PLEKHA7: variants seen among roughly 807,000 people sequenced by gnomAD.
PLEKHA7 encodes pleckstrin homology domain containing A7, also known as pleckstrin homology domain-containing family A member 7.
A neutral mutation model predicts 170.0 loss-of-function variants in PLEKHA7; 104 were observed. The observed-to-expected ratio is 0.61, with a 90% CI of 0.52 to 0.72. PLEKHA7 has a LOEUF of 0.72. Among genes scored for constraint, PLEKHA7 ranks in the 30% least tolerant of loss-of-function variants. The pLI, the probability that PLEKHA7 is intolerant of heterozygous loss-of-function variation, is 0.00. For synonymous variants in PLEKHA7, 648 were observed against 660.8 expected (o/e 0.98, Z 0.30); for missense variants, 1,615 against 1,671.7 (o/e 0.97, Z 0.59).
intron 3 of PLEKHA7, among the ~76,000 whole-genome samples, chr11:16,917,149 G>A (rs555619256): frequency 6.6e-6 from 1 of 152,230 alleles, no homozygotes; most frequent in East Asian, 1.9e-4. Context: ...AATCCAGGAG[G>A]TGGAATTTGC....
chr11:16,819,703 C>T (rs147907684), intron 10 of PLEKHA7, among the ~76,000 whole-genome samples: 1 of 152,168 alleles, frequency 6.6e-6, no homozygotes, highest in African/African-American at 2.4e-5. Flanking sequence ...CATGGAAAGA[C>T]AAATACCGTG....
rs377367506 is a variant in PLEKHA7 at position 16,836,225 on chromosome 11, G to A, written c.872+5322C>T. 4.3e-4 allele frequency among the ~76,000 whole-genome samples: 65 copies of A among 152,294 alleles called. 1 individual carries two copies. The highest frequency in any genetic ancestry group is 6.8e-3 in the Middle Eastern group (2 of 294). On this transcript the variant is annotated intron_variant, in intron 9 of 26. Transcript: ENST00000531066. The stretch of plus-strand genomic sequence containing the variant: ...CCCTAGATGTGCCAGGGACCTCCTC[G>A]TGGAGCTCAAGACTGAATTTAACAC...
At chr11:16,972,351 G>T (rs1308622439) in intron 3 of PLEKHA7, among the ~76,000 whole-genome samples, 1 of 151,930 alleles carries the variant, frequency 6.6e-6, no homozygotes, top group African/African-American at 2.4e-5. Flanking sequence ...TAAACTCCTG[G>T]GCTGAAGCAA....
At chr11:16,845,737 C>G (rs1852344460) in intron 8 of PLEKHA7, among the ~76,000 whole-genome samples, 1 of 152,076 alleles carries the variant, frequency 6.6e-6, no homozygotes, top group Non-Finnish European at 1.5e-5. Flanking sequence ...GGCTGCAGTA[C>G]AGAGAAGAGG....
At chr11:16,873,454 C>T (rs1308007510) in intron 3 of PLEKHA7, among the ~76,000 whole-genome samples, 1 of 152,130 alleles carries the variant, frequency 6.6e-6, no homozygotes, top group Non-Finnish European at 1.5e-5. Flanking sequence ...CCCTTCCCAA[C>T]CATAGCCAGC....
chr11:16,852,253 G>C (rs561046832), intron 7 of PLEKHA7, 30 bp downstream of exon 7: 1 of 1,603,716 alleles, frequency 6.2e-7, no homozygotes, highest in Non-Finnish European at 8.5e-7. Context: ...TGAACACTTC[G>C]GCAGGGTAAT....
intron 17 of PLEKHA7, 142 bp downstream of exon 17, chr11:16,800,832 T>TA (rs1257608771): frequency 2.9e-6 from 2 of 694,876 alleles, no homozygotes; most frequent in East Asian, 5.1e-5. Context: ...GTGGCTCCTT[T>TA]ACAGGGGTGG....
At chr11:16,940,531 G>A (rs1375713012) in intron 3 of PLEKHA7, among the ~76,000 whole-genome samples, 3 of 151,786 alleles carry the variant, frequency 2.0e-5, no homozygotes, top group Admixed American at 2.0e-4. Flanking sequence ...CAGGTGATCC[G>A]CCCGCCTCAG....
At chr11:16,810,985 A>G (rs1337473500) in intron 13 of PLEKHA7, among the ~76,000 whole-genome samples, 1 of 152,164 alleles carries the variant, frequency 6.6e-6, no homozygotes, top group Non-Finnish European at 1.5e-5. Context: ...ACTTAATAGA[A>G]GTAAAATGCA....
At chr11:16,869,409 CTG>C (rs1854652205) in intron 4 of PLEKHA7, among the ~76,000 whole-genome samples, 1 of 152,222 alleles carries the variant, frequency 6.6e-6, no homozygotes, top group African/African-American at 2.4e-5. Flanking sequence ...CTCTCCTAAG[CTG>C]TGTGTCTCTG....
intron 3 of PLEKHA7, among the ~76,000 whole-genome samples, chr11:16,905,503 C>A (rs1857601231): frequency 6.6e-6 from 1 of 152,062 alleles, no homozygotes; most frequent in Non-Finnish European, 1.5e-5. Context: ...GCAAGCTGAG[C>A]CCACAGCCCC....
intron 3 of PLEKHA7, among the ~76,000 whole-genome samples, chr11:16,906,091 C>T (rs1215821128): frequency 6.6e-6 from 1 of 152,178 alleles, no homozygotes; most frequent in Non-Finnish European, 1.5e-5. Flanking sequence ...GGCCATCTGA[C>T]AAATAGCAGG....
chr11:16,796,139 G>T (rs1322042834), intron 17 of PLEKHA7, among the ~76,000 whole-genome samples: 1 of 152,124 alleles, frequency 6.6e-6, no homozygotes, highest in Non-Finnish European at 1.5e-5. Context: ...GATTACAGGC[G>T]TGAGCCACTG....
At position 16,881,484 on chromosome 11, in the gene PLEKHA7, C is replaced by G. The variant is rs528831776; in HGVS notation, c.222-10302G>C. The G allele has an allele frequency of 3.9e-5, 6 of 152,410 alleles. No homozygotes were observed. In the East Asian group the frequency reaches 1.2e-3, roughly 29 times the overall value. 9.4% of individuals were successfully genotyped at this position (152,410 alleles called of 1,614,324 possible). ...TCATTCATTCTCGTTCCTCTCCACC[C>G]CCCACACAAAATCTGGCAACCAGGC... is the stretch of plus-strand genomic sequence containing the variant. On this transcript the variant is annotated intron_variant, in intron 3 of 26. Coordinates refer to ENST00000531066, the MANE Select transcript of PLEKHA7 (RefSeq NM_001329630.2).
At chr11:16,947,607 AG>A in intron 3 of PLEKHA7, among the ~76,000 whole-genome samples, 1 of 149,058 alleles carries the variant, frequency 6.7e-6, no homozygotes, top group South Asian at 2.1e-4. Flanking sequence ...AAAAAAAGAA[AG>A]AAAGAAAGAA....
chr11:16,875,635 G>C (rs937439498), intron 3 of PLEKHA7, among the ~76,000 whole-genome samples: 1 of 151,770 alleles, frequency 6.6e-6, no homozygotes, highest in East Asian at 1.9e-4. Context: ...AGTAGAGATG[G>C]GGTTTCACCA....
chr11:16,888,782 C>A (rs922157638), intron 3 of PLEKHA7, among the ~76,000 whole-genome samples: 4 of 152,102 alleles, frequency 2.6e-5, no homozygotes, highest in Non-Finnish European at 5.9e-5. Context: ...ACCTTCCCTC[C>A]ACTATTGTCC....
chr11:16,826,173 G>A lies in PLEKHA7; in HGVS notation c.1290C>T (p.Ser430=), dbSNP rs1312108105. The A allele has an allele frequency of 1.2e-6, 2 of 1,614,070 alleles. No homozygotes were observed. The highest frequency in any genetic ancestry group is 1.3e-5 in the African/African-American group (1 of 74,912). ...TNPEKHSQRK[S]NLAQVEHWAR... ...CCCAGTGCTCCACCTGGGCCAGATT[G>A]CTCTTCCTTTGGCTGTGTTTTTCAG... Residue 430 remains serine (S), a synonymous_variant, in exon 10 of 27, where the codon AGC becomes AGT. Transcript: ENST00000531066.
chr11:16,872,673 C>T (rs538743455), intron 3 of PLEKHA7, among the ~76,000 whole-genome samples: 1 of 152,266 alleles, frequency 6.6e-6, no homozygotes, highest in Admixed American at 6.5e-5. Context: ...GTACATGCCA[C>T]CATGCCCAGC....
Sources: gnomAD v4.1 joint callset for allele counts (sites outside exome capture counted in the v4.1 genomes callset) on GRCh38, gnomAD v4.1.1 for gene constraint, MANE v1.5 for transcripts, NCBI Gene and HGNC (gene_info 2026-07-23, HGNC 2026-07-21) for gene names.